Variants in DOCK10 observed in about 807,000 individuals in gnomAD.
DOCK10 encodes the protein dedicator of cytokinesis protein 10.
DOCK10 carries 145 observed loss-of-function variants against 280.1 expected under a neutral mutation model. The observed-to-expected ratio is 0.52, with a 90% CI of 0.45 to 0.59. The LOEUF (loss-of-function observed/expected upper bound fraction) is 0.59, where lower values mean the gene tolerates loss of function less well. Ranked by LOEUF, DOCK10 falls within the 20% of genes least tolerant of loss-of-function variation. The probability of loss-of-function intolerance (pLI) is 0.00; values close to 1 mark genes in which losing one functional copy is unlikely to be tolerated. For missense variants in DOCK10, 2,368 were observed against 2,651.7 expected (o/e 0.89, Z 2.35); for synonymous variants, 915 against 942.2 (o/e 0.97, Z 0.53).
At chr2:225,008,798 A>G (rs1007803052) in intron 1 of DOCK10, among the ~76,000 whole-genome samples, 4 of 152,204 alleles carry the variant, frequency 2.6e-5, no homozygotes, top group Non-Finnish European at 4.4e-5. Context: ...TTAGTACTCT[A>G]TCCAATGCTC....
chr2:224,989,206 A>T (rs1706063034), intron 1 of DOCK10, among the ~76,000 whole-genome samples: 1 of 152,136 alleles, frequency 6.6e-6, no homozygotes, highest in Non-Finnish European at 1.5e-5. Flanking sequence ...GGTGACCATC[A>T]AGTTGGTGGG....
intron 47 of DOCK10, among the ~76,000 whole-genome samples, chr2:224,792,183 T>C (rs1692242711): frequency 6.6e-6 from 1 of 152,226 alleles, no homozygotes; most frequent in African/African-American, 2.4e-5. Flanking sequence ...CCATAAGCCA[T>C]ATGTTATAAA....
intron 1 of DOCK10, chr2:224,947,143 A>C: frequency 1.0e-6 from 1 of 1,000,500 alleles, no homozygotes. Flanking sequence ...GTAACTAACT[A>C]CCAGCTGTTC....
chr2:224,841,025 G>A (rs1207944646), intron 23 of DOCK10, among the ~76,000 whole-genome samples: 5 of 152,102 alleles, frequency 3.3e-5, no homozygotes, highest in East Asian at 1.9e-4. Flanking sequence ...GACAAATACC[G>A]CATGATCTCA....
At chr2:224,855,063 G>GAA in intron 15 of DOCK10, 21 bp from the exon 16 acceptor site, 1 of 663,174 alleles carries the variant, frequency 1.5e-6, no homozygotes. Flanking sequence ...GCATGAGCAA[G>GAA]GACACACACA....
chr2:224,894,786 C>T (rs1289224397), intron 4 of DOCK10, among the ~76,000 whole-genome samples: 2 of 152,134 alleles, frequency 1.3e-5, no homozygotes, highest in Admixed American at 6.5e-5. Context: ...AATGAAACCC[C>T]AAAATAAATG....
chr2:224,889,803 C>A (rs1699551555), intron 4 of DOCK10, among the ~76,000 whole-genome samples: 1 of 152,208 alleles, frequency 6.6e-6, no homozygotes, highest in Admixed American at 6.5e-5. Flanking sequence ...TCTCTCTCAC[C>A]TTTTAATTTG....
At chr2:224,823,089 G>C (rs780317153) in intron 28 of DOCK10, among the ~76,000 whole-genome samples, 3 of 150,714 alleles carry the variant, frequency 2.0e-5, no homozygotes, top group Non-Finnish European at 2.9e-5. Flanking sequence ...CCAGGTTCAA[G>C]TGATTCTCCT....
chr2:224,819,710 A>T (rs926518919), intron 28 of DOCK10, among the ~76,000 whole-genome samples, 181 bp from the exon 29 acceptor site: 1 of 152,232 alleles, frequency 6.6e-6, no homozygotes, highest in Non-Finnish European at 1.5e-5. Flanking sequence ...AACTAAAATA[A>T]CTACAATTTA....
intron 16 of DOCK10, among the ~76,000 whole-genome samples, chr2:224,854,401 A>G (rs1696962707): frequency 7.0e-6 from 1 of 143,420 alleles, no homozygotes; most frequent in East Asian, 1.9e-4. Context: ...TGAAAAAAAT[A>G]TATGTTCTCT....
At chr2:224,988,964 C>A (rs1354867377) in intron 1 of DOCK10, among the ~76,000 whole-genome samples, 2 of 152,104 alleles carry the variant, frequency 1.3e-5, no homozygotes, top group Non-Finnish European at 2.9e-5. Context: ...TGGTGAACAC[C>A]AAAATGCCCC....
chr2:224,891,538 C>T (rs1699657477), intron 4 of DOCK10, among the ~76,000 whole-genome samples: 1 of 152,166 alleles, frequency 6.6e-6, no homozygotes, highest in African/African-American at 2.4e-5. Context: ...TATGACATTT[C>T]CATACTCTTT....
At chr2:224,922,008 AC>A (rs939735538) in intron 2 of DOCK10, among the ~76,000 whole-genome samples, 2 of 151,594 alleles carry the variant, frequency 1.3e-5, no homozygotes, top group African/African-American at 4.8e-5. Context: ...AATCCCAGCT[AC>A]TCGAGAGGCT....
chr2:225,000,528 G>A (rs1345062868), intron 1 of DOCK10, among the ~76,000 whole-genome samples: 6 of 152,304 alleles, frequency 3.9e-5, no homozygotes, highest in Non-Finnish European at 7.4e-5. Context: ...AATCCTGTGA[G>A]AAGGCCTGGA....
intron 2 of DOCK10, among the ~76,000 whole-genome samples, chr2:224,919,460 A>C (rs1342974094): frequency 7.1e-6 from 1 of 141,278 alleles, no homozygotes; most frequent in African/African-American, 2.7e-5. Flanking sequence ...AATGGGTGTG[A>C]TGTGTCAGTG....
intron 1 of DOCK10, among the ~76,000 whole-genome samples, chr2:224,981,536 G>T (rs769350305): frequency 1.3e-5 from 2 of 152,038 alleles, no homozygotes; most frequent in Non-Finnish European, 2.9e-5. Context: ...AAGAAAGAAA[G>T]AACTCTACCC....
chr2:224,825,641 T>TC (rs1229563963), intron 27 of DOCK10, among the ~76,000 whole-genome samples: 6 of 152,216 alleles, frequency 3.9e-5, no homozygotes, highest in African/African-American at 1.2e-4. Context: ...ATTTGTTCCT[T>TC]CCTCTTTACA....
Position 224,770,437 on chromosome 2 carries a change from A to G in DOCK10, c.6306-88T>C. Reference sequence around the variant, plus strand: ...CTGTGAGTTCAGAGTCAGGCTGCTGATGGACTCTGCCACCTCAGTGAGTTT... The same window carrying G: ...CTGTGAGTTCAGAGTCAGGCTGCTGGTGGACTCTGCCACCTCAGTGAGTTT... On this transcript the variant is annotated intron_variant, in intron 54 of 55. Transcript: ENST00000258390. The surrounding 1 kb of genome is among the most constrained non-coding windows in gnomAD (Gnocchi z 4.5). The G allele has an allele frequency of 1.3e-6, 2 of 1,555,902 alleles. No individual in the cohort carries two copies. The highest frequency in any genetic ancestry group is 1.8e-6 in the Non-Finnish European group (2 of 1,142,644).
intron 17 of DOCK10, among the ~76,000 whole-genome samples, chr2:224,852,648 G>A (rs1199954313): frequency 6.6e-6 from 1 of 152,106 alleles, no homozygotes; most frequent in Non-Finnish European, 1.5e-5. Flanking sequence ...CATATTGAAA[G>A]GGGGCAGGCA....
Sources: gnomAD v4.1 joint callset for allele counts (sites outside exome capture counted in the v4.1 genomes callset) on GRCh38, gnomAD v4.1.1 for gene constraint, Gnocchi (gnomAD v3.1) non-coding constraint, MANE v1.5 for transcripts, NCBI Gene and HGNC (gene_info 2026-07-23, HGNC 2026-07-21) for gene names.